Variants in ITCH observed in about 807,000 individuals in gnomAD.
ITCH encodes E3 ubiquitin-protein ligase Itchy homolog.
In ITCH, 28 loss-of-function variants were observed where a neutral mutation model predicts 126.8. The ratio of observed to expected loss-of-function variants is 0.22; its 90% CI spans 0.16 to 0.30. ITCH has a LOEUF of 0.30. Among genes scored for constraint, ITCH ranks in the 10% least tolerant of loss-of-function variants. ITCH has a pLI of 1.00. For synonymous variants in ITCH, 342 were observed against 340.0 expected, an observed-to-expected ratio of 1.01 and a Z score of -0.06; for missense variants, 631 against 1,032.4, an observed-to-expected ratio of 0.61 and a Z score of 5.33.
intron 15 of ITCH, among the ~76,000 whole-genome samples, 153 bp from the exon 16 acceptor site, chr20:34,471,291 A>T (rs137976286): frequency 6.6e-6 from 1 of 152,208 alleles, no homozygotes; most frequent in African/African-American, 2.4e-5. Flanking sequence ...ATACTCACAG[A>T]TGCATTGGTA....
intron 23 of ITCH, among the ~76,000 whole-genome samples, chr20:34,500,236 A>T (rs1990162657): frequency 6.6e-6 from 1 of 152,092 alleles, no homozygotes; most frequent in Non-Finnish European, 1.5e-5. Context: ...TTCTTTGTTG[A>T]TTTTCTGTCT....
rs560344901 is a variant in ITCH at position 34,409,957 on chromosome 20, G to C, written c.212+1165G>C. Among the ~76,000 whole-genome samples the C allele has an allele frequency of 4.0e-5, 6 of 151,872 alleles. No individual in the cohort carries two copies. The South Asian group carries it at 1.3e-3, about 32-fold the overall frequency. On this transcript the variant is annotated intron_variant, in intron 4 of 24. Transcript: ENST00000374864. Reference sequence around the variant, plus strand: ...AGCCAGGAGGATTGTGTGAGGCCAGGAGTTCAAAGGTGCAGTTTGATATGA... The same window carrying C: ...AGCCAGGAGGATTGTGTGAGGCCAGCAGTTCAAAGGTGCAGTTTGATATGA...
rs546289521 is a variant in ITCH, at chr20:34,390,266, T to C, written c.-21-3525T>C. Among the ~76,000 whole-genome samples the C allele has an allele frequency of 2.0e-5, 3 of 152,252 alleles. No homozygotes were observed. In the South Asian group the frequency reaches 6.2e-4, roughly 32 times the overall value. On this transcript the variant is annotated intron_variant, in intron 2 of 24. Transcript: ENST00000374864. ...TAAAATGAAACTATAAATTATAGAT[T>C]ATCTACATTTATGGATGAAGAAAGT... is the stretch of plus-strand genomic sequence containing the variant.
chr20:34,377,007 A>G (rs2037871922), intron 2 of ITCH, among the ~76,000 whole-genome samples: 1 of 152,186 alleles, frequency 6.6e-6, no homozygotes, highest in African/African-American at 2.4e-5. Flanking sequence ...TCCCTTACTC[A>G]GTCCCAACAG....
intron 1 of ITCH, among the ~76,000 whole-genome samples, chr20:34,365,626 A>T (rs1456692092): frequency 6.6e-6 from 1 of 152,162 alleles, no homozygotes; most frequent in East Asian, 1.9e-4. Context: ...CATATTGGCT[A>T]GGCTGCTCTC....
In ITCH at chr20:34,413,884, GTGAC is replaced by G; in HGVS notation, c.475+7_475+10del. 2 of 1,609,076 alleles carry G rather than the reference GTGAC, an allele frequency of 1.2e-6. No homozygotes were observed. On this transcript the variant is annotated splice_donor_region_variant and intron_variant, in intron 6 of 24. Transcript: ENST00000374864. ...GTGAAACTACATGTTCAGAAAGTAA[GTGAC>G]TACCTTTTTAAGGTCTTTAATGATT...
chr20:34,376,887 G>A (rs1318119794), intron 2 of ITCH, among the ~76,000 whole-genome samples: 1 of 152,152 alleles, frequency 6.6e-6, no homozygotes, highest in African/African-American at 2.4e-5. Context: ...TTGCATTAAA[G>A]AGGGCCAATT....
At chr20:34,448,261 C>T (rs559437200) in intron 11 of ITCH, among the ~76,000 whole-genome samples, 11 of 151,998 alleles carry the variant, frequency 7.2e-5, no homozygotes, top group Admixed American at 2.6e-4. Flanking sequence ...GGCGTGGTGG[C>T]GCGTGCCTGT....
intron 16 of ITCH, chr20:34,475,824 C>G: frequency 1.4e-6 from 1 of 706,594 alleles, no homozygotes; most frequent in Non-Finnish European, 2.5e-6. Flanking sequence ...TAAAGCTAGT[C>G]ATAATACAGA....
intron 4 of ITCH, among the ~76,000 whole-genome samples, chr20:34,409,308 T>G (rs948235668): frequency 2.0e-5 from 3 of 152,092 alleles, no homozygotes; most frequent in Non-Finnish European, 4.4e-5. Context: ...TCCTCCTGCC[T>G]CAGCCTCCCA....
intron 14 of ITCH, among the ~76,000 whole-genome samples, chr20:34,469,488 A>T (rs1987414419): frequency 6.6e-6 from 1 of 152,018 alleles, no homozygotes; most frequent in South Asian, 2.1e-4. Flanking sequence ...CAGAGTTTCA[A>T]CATGTTGGTC....
chr20:34,413,544 A>G (rs919071173), intron 5 of ITCH, among the ~76,000 whole-genome samples, 198 bp from the exon 6 acceptor site: 17 of 152,190 alleles, frequency 1.1e-4, no homozygotes, highest in African/African-American at 4.1e-4. Context: ...ACATTAGCAT[A>G]TTTTGTCCTT....
chr20:34,484,254 C>T (rs1271358818), intron 20 of ITCH, among the ~76,000 whole-genome samples: 1 of 152,136 alleles, frequency 6.6e-6, no homozygotes, highest in Non-Finnish European at 1.5e-5. Context: ...GCTAATAGTT[C>T]ATTCATACCT....
intron 20 of ITCH, among the ~76,000 whole-genome samples, chr20:34,485,309 T>G (rs893384794): frequency 4.6e-5 from 7 of 152,202 alleles, no homozygotes; most frequent in African/African-American, 7.2e-5. Context: ...TACCTAGGAG[T>G]GAAATCGCTG....
chr20:34,445,507 TA>T (rs1268293027), intron 11 of ITCH, 46 bp downstream of exon 11: 1 of 1,581,434 alleles, frequency 6.3e-7, no homozygotes, highest in Non-Finnish European at 8.7e-7. Flanking sequence ...ATTTTGTTTC[TA>T]GCCCCTTCCA....
intron 3 of ITCH, among the ~76,000 whole-genome samples, chr20:34,401,992 T>C (rs1157598066): frequency 6.6e-6 from 1 of 152,186 alleles, no homozygotes; most frequent in East Asian, 1.9e-4. Flanking sequence ...CGCATAGCTA[T>C]GGGCCTTGTC....
chr20:34,382,769 AGTCTT>A (rs2038116423), intron 2 of ITCH, among the ~76,000 whole-genome samples: 1 of 146,930 alleles, frequency 6.8e-6, no homozygotes, highest in African/African-American at 2.5e-5. Context: ...TTTGAGACAG[AGTCTT>A]GCCTTGTAGC....
chr20:34,393,892 G>A lies in ITCH; in HGVS notation c.70+11G>A. Reference sequence around the variant, plus strand: ...AGCTTCAGATCACTGGTAAGTTTTAGAAACATCGGCTGCTTTACTTTATTT... The same window carrying A: ...AGCTTCAGATCACTGGTAAGTTTTAAAAACATCGGCTGCTTTACTTTATTT... On this transcript the variant is annotated intron_variant, in intron 3 of 24. Coordinates refer to ENST00000374864, the MANE Select transcript of ITCH (RefSeq NM_031483.7). 6.2e-7 allele frequency: 1 copy of A among 1,610,146 alleles called. No individual in the cohort carries two copies. The highest frequency in any genetic ancestry group is 8.5e-7 in the Non-Finnish European group (1 of 1,176,418).
intron 11 of ITCH, 97 bp from the exon 12 acceptor site, chr20:34,449,314 T>C: frequency 1.4e-6 from 1 of 737,674 alleles, no homozygotes; most frequent in Non-Finnish European, 2.4e-6. Flanking sequence ...CTCTCTGTGT[T>C]ATACATTGCC....
Sources: allele counts gnomAD v4.1 joint callset (sites outside exome capture counted in the v4.1 genomes callset), GRCh38; gene constraint gnomAD v4.1.1; transcripts MANE v1.5; gene names NCBI Gene and HGNC (gene_info 2026-07-23, HGNC 2026-07-21).